Variants in TMEM232 observed in about 807,000 individuals in gnomAD.
TMEM232 encodes the protein transmembrane protein 232.
TMEM232 carries 80 observed loss-of-function variants against 78.8 expected under a neutral mutation model. The ratio of observed to expected loss-of-function variants is 1.01; its 90% CI spans 0.85 to 1.22. TMEM232 has a LOEUF of 1.22. Ranked by LOEUF, TMEM232 falls within the 50% of genes most tolerant of loss-of-function variation. TMEM232 has a pLI of 0.00. For synonymous variants in TMEM232, 297 were observed against 254.3 expected (o/e 1.17, Z -1.60); for missense variants, 881 against 742.2 (o/e 1.19, Z -2.17).
intron 11 of TMEM232, among the ~76,000 whole-genome samples, chr5:110,564,349 A>C (rs1303727338): frequency 6.6e-6 from 1 of 151,990 alleles, no homozygotes; most frequent in Non-Finnish European, 1.5e-5. Context: ...GCATCAATGG[A>C]AAAATCATGT....
chr5:110,669,412 C>T (rs1455389371), intron 1 of TMEM232, among the ~76,000 whole-genome samples: 1 of 152,136 alleles, frequency 6.6e-6, no homozygotes, highest in African/African-American at 2.4e-5. Flanking sequence ...CACATACACC[C>T]TCCCAAGACT....
At chr5:110,398,415 G>C (rs1052551635) in intron 2 of TMEM232, among the ~76,000 whole-genome samples, 2 of 152,080 alleles carry the variant, frequency 1.3e-5, no homozygotes, top group African/African-American at 4.8e-5. Flanking sequence ...TAAGTATCGC[G>C]TGCAGGTTCT....
Position 110,620,631 on chromosome 5 carries a change from CTCTCTCT to C in TMEM232, c.769-2076_769-2070del, listed in dbSNP as rs1561399867. ...TCTCTCTCTCTCTCTCTCTCTCTCT[CTCTCTCT>C]CCTCTCTCCTCTCTCTCTCTCCTCC... is the stretch of plus-strand genomic sequence containing the variant. On this transcript the variant is annotated intron_variant, in intron 7 of 13. Coordinates refer to ENST00000455884, the MANE Select transcript of TMEM232 (RefSeq NM_001039763.4). Among the ~76,000 whole-genome samples, 43 of 92,542 alleles carry C rather than the reference CTCTCTCT, an allele frequency of 4.6e-4. 1 individual carries two copies. Among genetic ancestry groups the C allele is most frequent in the African/African-American group, 1.5e-3 (38 of 24,806 alleles). 60.7% of individuals were successfully genotyped at this position (92,542 alleles called of 152,430 possible).
At chr5:110,722,243 A>G (rs756387658) in intron 1 of TMEM232, among the ~76,000 whole-genome samples, 2 of 152,216 alleles carry the variant, frequency 1.3e-5, no homozygotes, top group Non-Finnish European at 2.9e-5. Context: ...TCTAATTTGT[A>G]TAACAAATCA....
chr5:110,426,146 C>T (rs1757209882), intron 12 of TMEM232, among the ~76,000 whole-genome samples: 2 of 151,992 alleles, frequency 1.3e-5, no homozygotes, highest in African/African-American at 2.4e-5. Flanking sequence ...TCTAGCCCTG[C>T]TGCAGGGCTG....
chr5:110,442,187 T>A (rs931683005), intron 12 of TMEM232, among the ~76,000 whole-genome samples: 2 of 152,182 alleles, frequency 1.3e-5, no homozygotes, highest in Admixed American at 1.3e-4. Flanking sequence ...CTATGATATA[T>A]CTCTTTGAAT....
At chr5:110,651,005 G>C (rs769739639) in intron 2 of TMEM232, among the ~76,000 whole-genome samples, 49 of 151,858 alleles carry the variant, frequency 3.2e-4, no homozygotes, top group Admixed American at 5.9e-4. Context: ...ATAAAAAATG[G>C]GAGGTGATAA....
At chr5:110,738,923 A>C, upstream of TMEM232, 1 of 1,400,284 alleles carries the variant, frequency 7.1e-7, no homozygotes, top group Non-Finnish European at 9.3e-7. Context: ...CTCCCTAGCA[A>C]CCGTGCCCTT....
chr5:110,449,690 T>G (rs1760054691), intron 12 of TMEM232, among the ~76,000 whole-genome samples: 1 of 152,162 alleles, frequency 6.6e-6, no homozygotes, highest in Non-Finnish European at 1.5e-5. Context: ...GTTTCATTAG[T>G]CATTAATTAA....
intron 12 of TMEM232, among the ~76,000 whole-genome samples, chr5:110,504,154 T>A (rs1211885888): frequency 6.6e-6 from 1 of 152,190 alleles, no homozygotes; most frequent in Non-Finnish European, 1.5e-5. Context: ...TACTTTTAAT[T>A]AATTACTGCA....
intron 8 of TMEM232, among the ~76,000 whole-genome samples, chr5:110,609,405 T>C (rs1189549391): frequency 6.6e-6 from 1 of 152,052 alleles, no homozygotes. Flanking sequence ...TTAAAAATAA[T>C]AATCTCTACT....
chr5:110,429,907 C>A (rs1248679159), intron 12 of TMEM232: 2 of 151,630 alleles, frequency 1.3e-5, no homozygotes, highest in African/African-American at 4.8e-5. Context: ...ATTTGGCTAC[C>A]ATAACCTTTT....
chr5:110,534,111 T>C (rs1771960730), intron 11 of TMEM232, among the ~76,000 whole-genome samples: 1 of 152,124 alleles, frequency 6.6e-6, no homozygotes, highest in Middle Eastern at 3.2e-3. Context: ...TTAGTCTAAG[T>C]AGACACTTTC....
chr5:110,534,971 A>G (rs1014341906), intron 11 of TMEM232, among the ~76,000 whole-genome samples: 6 of 152,050 alleles, frequency 3.9e-5, no homozygotes, highest in East Asian at 1.9e-4. Flanking sequence ...CTCTCCCACT[A>G]TAAGTTCCCA....
At chr5:110,503,902 G>T (rs1292309984) in intron 12 of TMEM232, among the ~76,000 whole-genome samples, 3 of 152,120 alleles carry the variant, frequency 2.0e-5, no homozygotes, top group African/African-American at 4.8e-5. Flanking sequence ...CTGTCCCCAA[G>T]GATCTGACCC....
rs1277980102 is a variant in TMEM232 at position 110,587,998 on chromosome 5, C to T, written c.1276+17111G>A. Among the ~76,000 whole-genome samples, 2 of 151,720 alleles carry T rather than the reference C, an allele frequency of 1.3e-5. 1 individual carries two copies. The highest frequency in any genetic ancestry group is 4.8e-5 in the African/African-American group (2 of 41,334). ...AAATATTTTCCATGTATAAAAACCA[C>T]AACCTTATTACTGAATACTTTCTTG... On this transcript the variant is annotated intron_variant, in intron 10 of 13. Transcript: ENST00000455884.
chr5:110,447,695 A>G (rs1239188782), intron 12 of TMEM232, among the ~76,000 whole-genome samples: 1 of 152,162 alleles, frequency 6.6e-6, no homozygotes, highest in Non-Finnish European at 1.5e-5. Context: ...TAGGGGCTGA[A>G]AGTCGCAAGA....
chr5:110,618,389 T>G, intron 8 of TMEM232, 40 bp downstream of exon 8: 1 of 1,544,392 alleles, frequency 6.5e-7, no homozygotes, highest in Non-Finnish European at 8.7e-7. Context: ...GCACAAAGAT[T>G]TCTCCATGAG....
chr5:110,432,031 C>T (rs1373699776), intron 12 of TMEM232, among the ~76,000 whole-genome samples: 1 of 151,596 alleles, frequency 6.6e-6, no homozygotes, highest in Non-Finnish European at 1.5e-5. Context: ...ACTTGAGCTA[C>T]AGTAAGTGAA....
Sources: gnomAD v4.1 joint callset for allele counts (sites outside exome capture counted in the v4.1 genomes callset) on GRCh38, gnomAD v4.1.1 for gene constraint, MANE v1.5 for transcripts, NCBI Gene and HGNC (gene_info 2026-07-23, HGNC 2026-07-21) for gene names.